Variants in DEAF1 observed in about 807,000 individuals in gnomAD.
The protein encoded by DEAF1 is deformed epidermal autoregulatory factor 1 homolog.
DEAF1 carries 53 observed loss-of-function variants against 58.9 expected under a neutral mutation model. The observed-to-expected ratio is 0.90, with a 90% confidence interval of 0.72 to 1.13. The LOEUF is 1.13. Ranked by LOEUF, DEAF1 falls within the 50% of genes most tolerant of loss-of-function variation. The probability of loss-of-function intolerance (pLI) is 0.00; values close to 1 mark genes in which losing one functional copy is unlikely to be tolerated. For missense variants in DEAF1, 685 were observed against 791.4 expected, an observed-to-expected ratio of 0.87 and a Z score of 1.61; for synonymous variants, 385 against 340.4, an observed-to-expected ratio of 1.13 and a Z score of -1.44.
chr11:693,190 T>C (rs1181377623), intron 1 of DEAF1, among the ~76,000 whole-genome samples: 1 of 152,246 alleles, frequency 6.6e-6, no homozygotes, highest in Non-Finnish European at 1.5e-5. Context: ...GACATCATGA[T>C]GAACAGCATC....
chr11:658,544 G>A (rs1859172329), intron 10 of DEAF1, among the ~76,000 whole-genome samples: 1 of 152,278 alleles, frequency 6.6e-6, no homozygotes, highest in African/African-American at 2.4e-5. Context: ...CCCATTCTGC[G>A]CTTTCAGGAA....
At chr11:682,180 G>C (rs1860406627) in intron 6 of DEAF1, among the ~76,000 whole-genome samples, 1 of 152,196 alleles carries the variant, frequency 6.6e-6, no homozygotes, top group East Asian at 1.9e-4. Flanking sequence ...CGCTCTTCCT[G>C]ATCTCTGTTA....
intron 6 of DEAF1, 130 bp from the exon 7 acceptor site, chr11:681,219 C>T (rs1860349545): frequency 5.3e-6 from 7 of 1,310,412 alleles, no homozygotes; most frequent in Admixed American, 1.8e-5. Flanking sequence ...AGATGGTAAG[C>T]GCCCCTAAAG....
intron 10 of DEAF1, among the ~76,000 whole-genome samples, chr11:669,200 C>A (rs1219594507): frequency 6.7e-6 from 1 of 149,192 alleles, no homozygotes; most frequent in Non-Finnish European, 1.5e-5. Context: ...GGCCTCAAGA[C>A]CTTGGCCTCC....
At chr11:694,232 G>A (rs569446075) in intron 1 of DEAF1, among the ~76,000 whole-genome samples, 3 of 151,968 alleles carry the variant, frequency 2.0e-5, no homozygotes, top group Admixed American at 1.3e-4. Context: ...GGGGCAGGGG[G>A]CAGGTGTGTG....
chr11:695,174 A>C lies in DEAF1; in HGVS notation c.-127T>G. ...GAGGCCGCCCGAAGCCGCCGCCCGA[A>C]TAGGGACCGAAAAGGCAGCCAGCCG... On this transcript the variant is annotated 5_prime_UTR_variant, in exon 1 of 12. Coordinates refer to ENST00000382409, the MANE Select transcript of DEAF1 (RefSeq NM_021008.4). 2 of 857,854 alleles carry C rather than the reference A, an allele frequency of 2.3e-6. No homozygotes were observed. The highest frequency in any genetic ancestry group is 3.2e-6 in the Non-Finnish European group (2 of 632,064). 53.1% of individuals were successfully genotyped at this position (857,854 alleles called of 1,614,324 possible).
intron 10 of DEAF1, among the ~76,000 whole-genome samples, chr11:658,427 T>C (rs1859165147): frequency 6.6e-6 from 1 of 152,188 alleles, no homozygotes; most frequent in African/African-American, 2.4e-5. Flanking sequence ...AGACTCTGTC[T>C]CAAAAACAAA....
chr11:682,928 G>A (rs1221006485), intron 6 of DEAF1, among the ~76,000 whole-genome samples: 1 of 152,100 alleles, frequency 6.6e-6, no homozygotes, highest in African/African-American at 2.4e-5. Context: ...CAAGGAGTGG[G>A]AACCGTTTTC....
chr11:694,946 T>C lies in DEAF1; in HGVS notation c.102A>G (p.Gly34=), dbSNP rs1487162428. The C allele has an allele frequency of 2.6e-6, 3 of 1,153,532 alleles. No individual in the cohort carries two copies. Among genetic ancestry groups the C allele is most frequent in the African/African-American group, 3.3e-5 (2 of 59,840 alleles). 71.5% of individuals were successfully genotyped at this position (1,153,532 alleles called of 1,614,324 possible). The change falls in exon 1 of 12, where the codon GGA becomes GGG. Residue 34 remains glycine, a synonymous_variant. Transcript: ENST00000382409. ...AVAAAAAAAA[G]GEAEEPVLSR... is the part of the protein sequence containing the mutation. ...TCAGCACCGGCTCCTCCGCCTCGCC[T>C]CCTGCCGCGGCCGCGGCCGCCGCCG...
intron 10 of DEAF1, among the ~76,000 whole-genome samples, chr11:660,083 G>A (rs1320977249): frequency 6.6e-6 from 1 of 152,212 alleles, no homozygotes; most frequent in Non-Finnish European, 1.5e-5. Context: ...CCCCATGACT[G>A]TGTCCCGTGA....
At chr11:681,199 GACC>G (rs984387741) in intron 6 of DEAF1, 110 bp from the exon 7 acceptor site, 4 of 1,466,204 alleles carry the variant, frequency 2.7e-6, no homozygotes, top group African/African-American at 2.8e-5. Context: ...CACATGGTGA[GACC>G]ACATTAAGAT....
At chr11:703,397 A>G in intron 1 of DEAF1, 7 of 1,363,122 alleles carry the variant, frequency 5.1e-6, no homozygotes, top group Non-Finnish European at 6.6e-6. Context: ...TGCCTTCAAG[A>G]TGAGTCCCAG....
rs74485434 is a variant in DEAF1, at chr11:680,748, C to T, written c.997+215G>A. On this transcript the variant is annotated intron_variant, in intron 7 of 11. Coordinates refer to ENST00000382409, the MANE Select transcript of DEAF1 (RefSeq NM_021008.4). ...CAGCCCAGGACAAGGCCAACAGTGT[C>T]CGGGTCCCAGGGAAGCAAGACCGAG... Among the ~76,000 whole-genome samples, 952 of 152,348 alleles carry T rather than the reference C, an allele frequency of 6.2e-3. 14 individuals are homozygous for T. Among genetic ancestry groups the T allele is most frequent in the East Asian group, 0.029 (148 of 5,188 alleles).
intron 10 of DEAF1, among the ~76,000 whole-genome samples, chr11:665,469 T>C (rs1859484591): frequency 6.6e-6 from 1 of 152,252 alleles, no homozygotes. Context: ...CATTTTCAGA[T>C]GCACGGGATG....
At chr11:678,151 G>A (rs770479787) in intron 9 of DEAF1, among the ~76,000 whole-genome samples, 17 of 152,306 alleles carry the variant, frequency 1.1e-4, no homozygotes, top group Middle Eastern at 3.4e-3. Flanking sequence ...AGAGGTTGCA[G>A]TGAGCCAAGA....
rs1858409275 is a variant in DEAF1, at chr11:644,862, G to C, written c.1594-208C>G. Among the ~76,000 whole-genome samples, 1 of 152,126 alleles carries C rather than the reference G, an allele frequency of 6.6e-6. No homozygotes were observed. The highest frequency in any genetic ancestry group is 2.1e-4 in the South Asian group (1 of 4,826). On this transcript the variant is annotated intron_variant, in intron 11 of 11. Coordinates refer to ENST00000382409, the MANE Select transcript of DEAF1 (RefSeq NM_021008.4). The surrounding 1 kb of genome is among the most constrained non-coding windows in gnomAD (Gnocchi z 4.3). ...CACACTCTCTTGGTTTGAGGAATTG[G>C]ATCAAAAGGCAAACAACAGGCAGGG...
chr11:675,808 A>T (rs957682085), intron 9 of DEAF1, among the ~76,000 whole-genome samples: 2 of 152,046 alleles, frequency 1.3e-5, no homozygotes, highest in Admixed American at 1.3e-4. Context: ...TGACAGAGTG[A>T]GACTCCATCT....
Position 688,176 on chromosome 11 carries a change from G to T in DEAF1, c.518-119C>A. On this transcript the variant is annotated intron_variant, in intron 3 of 11. Transcript: ENST00000382409. This position sits in a 1 kb window ranked among gnomAD's most constrained non-coding sequence, Gnocchi z 4.3. ...TCCTTCAACGGCGGAAAAACTTCTT[G>T]GTCAGGAAAATTCCAATGCTTTTAC... The T allele has an allele frequency of 6.5e-7, 1 of 1,538,936 alleles. No homozygotes were observed. Among genetic ancestry groups the T allele is most frequent in the Non-Finnish European group, 8.8e-7 (1 of 1,130,500 alleles).
At position 644,665 on chromosome 11, in the gene DEAF1, G is replaced by C. The variant is rs199717663; in HGVS notation, c.1594-11C>G. 1 of 1,599,322 alleles carries C rather than the reference G, an allele frequency of 6.3e-7. No individual in the cohort carries two copies. Among genetic ancestry groups the C allele is most frequent in the Non-Finnish European group, 8.5e-7 (1 of 1,173,504 alleles). ...GTGATCCTTCCAGTCCTGGAAGGGA[G>C]GACACACCCATGTCAGCAGGGTCAG... On this transcript the variant is annotated splice_polypyrimidine_tract_variant and intron_variant, in intron 11 of 11. Transcript: ENST00000382409. This position sits in a 1 kb window ranked among gnomAD's most constrained non-coding sequence, Gnocchi z 4.3.
Sources: gnomAD v4.1 joint callset for allele counts (sites outside exome capture counted in the v4.1 genomes callset) on GRCh38, gnomAD v4.1.1 for gene constraint, Gnocchi (gnomAD v3.1) non-coding constraint, MANE v1.5 for transcripts, NCBI Gene and HGNC (gene_info 2026-07-23, HGNC 2026-07-21) for gene names.